CTIF: variants seen among roughly 807,000 people sequenced by gnomAD.
CTIF encodes the protein CBP80/20-dependent translation initiation factor.
CTIF carries 21 observed loss-of-function variants against 66.0 expected under a neutral mutation model. The ratio of observed to expected loss-of-function variants is 0.32; its 90% CI spans 0.23 to 0.46. The LOEUF is 0.46. Among genes scored for constraint, CTIF ranks in the 20% least tolerant of loss-of-function variants. CTIF has a pLI of 1.00. For synonymous variants in CTIF, 345 were observed against 326.4 expected, an observed-to-expected ratio of 1.06 and a Z score of -0.62; for missense variants, 739 against 812.7, an observed-to-expected ratio of 0.91 and a Z score of 1.10.
chr18:48,766,737 A>G (rs1909583355), intron 9 of CTIF, among the ~76,000 whole-genome samples: 1 of 152,190 alleles, frequency 6.6e-6, no homozygotes. Context: ...CCATGGGGGA[A>G]AACTCCGAGT....
chr18:48,726,922 A>G (rs1160856818), intron 7 of CTIF, among the ~76,000 whole-genome samples: 1 of 152,160 alleles, frequency 6.6e-6, no homozygotes, highest in African/African-American at 2.4e-5. Flanking sequence ...TCATTTGATT[A>G]TAGCATCAGC....
At chr18:48,790,470 C>T (rs2067767809) in intron 9 of CTIF, among the ~76,000 whole-genome samples, 1 of 152,236 alleles carries the variant, frequency 6.6e-6, no homozygotes, top group Non-Finnish European at 1.5e-5. Context: ...GGCAGGCTGC[C>T]AAATCCAACA....
At chr18:48,744,873 AGTGCAGT>A (rs2092583507) in intron 7 of CTIF, among the ~76,000 whole-genome samples, 1 of 147,350 alleles carries the variant, frequency 6.8e-6, no homozygotes, top group Admixed American at 6.8e-5. Context: ...CCCAGGCTGG[AGTGCAGT>A]GGCGCAATCT....
At chr18:48,797,006 T>C (rs935411777) in intron 9 of CTIF, among the ~76,000 whole-genome samples, 1 of 152,176 alleles carries the variant, frequency 6.6e-6, no homozygotes, top group African/African-American at 2.4e-5. Context: ...TCTGCAGCAC[T>C]GGCCTCCCTC....
At chr18:48,824,646 A>AT (rs1272091139) in intron 10 of CTIF, among the ~76,000 whole-genome samples, 4 of 135,248 alleles carry the variant, frequency 3.0e-5, no homozygotes, top group Non-Finnish European at 4.8e-5. Flanking sequence ...TTGTTTTTTG[A>AT]TTTTTTCTGA....
At chr18:48,697,955 A>G (rs761903792) in intron 6 of CTIF, among the ~76,000 whole-genome samples, 1 of 151,658 alleles carries the variant, frequency 6.6e-6, no homozygotes, top group Non-Finnish European at 1.5e-5. Flanking sequence ...CCTGAAGCAC[A>G]GGATCTGATC....
At chr18:48,664,905 C>CTTTT (rs1321412907) in intron 5 of CTIF, among the ~76,000 whole-genome samples, 2 of 62,688 alleles carry the variant, frequency 3.2e-5, no homozygotes, top group South Asian at 1.1e-3. Context: ...CTGTGTGTTT[C>CTTTT]TTTCTTTTTT....
At chr18:48,766,423 A>T (rs922910376) in intron 9 of CTIF, among the ~76,000 whole-genome samples, 1 of 152,154 alleles carries the variant, frequency 6.6e-6, no homozygotes, top group African/African-American at 2.4e-5. Context: ...GTCAGAGTGG[A>T]GGTCTGGCCT....
In CTIF at chr18:48,639,853, G is replaced by T. The variant is rs374721075; in HGVS notation, c.252+3168G>T. Among the ~76,000 whole-genome samples, 7 of 152,118 alleles carry T rather than the reference G, an allele frequency of 4.6e-5. No individual in the cohort carries two copies. In the East Asian group the frequency reaches 1.2e-3, roughly 25 times the overall value. On this transcript the variant is annotated intron_variant, in intron 3 of 11. Transcript: ENST00000256413. ...CATACCCACGTCCATGCATCTGCCC[G>T]TGGGGACACCCACCTGGGTTTCCTT...
At chr18:48,669,785 C>A (rs1297918553) in intron 5 of CTIF, among the ~76,000 whole-genome samples, 5 of 52,082 alleles carry the variant, frequency 9.6e-5, no homozygotes, top group African/African-American at 1.7e-4. Flanking sequence ...AACAAACAAG[C>A]TAAACATTTA....
intron 1 of CTIF, among the ~76,000 whole-genome samples, chr18:48,597,670 A>T (rs1019220070): frequency 1.9e-4 from 29 of 151,890 alleles, no homozygotes; most frequent in African/African-American, 5.8e-4. Context: ...AGCCAAGTAG[A>T]TGCTGGTGCA....
In CTIF at chr18:48,658,315, CTGTA is replaced by C. The variant is rs1440930617; in HGVS notation, c.253-5433_253-5430del. On this transcript the variant is annotated intron_variant, in intron 3 of 11. Transcript: ENST00000256413. ...CATGCATGTTGTGTGTGGCATGTGC[CTGTA>C]TGTGTGGTGTATATAATATGCATGT... Among the ~76,000 whole-genome samples the C allele has an allele frequency of 2.6e-5, 4 of 151,570 alleles. No individual in the cohort carries two copies. In the South Asian group the frequency reaches 6.3e-4, roughly 24 times the overall value.
At chr18:48,829,577 C>T (rs1050902843) in intron 10 of CTIF, among the ~76,000 whole-genome samples, 23 of 152,358 alleles carry the variant, frequency 1.5e-4, no homozygotes, top group African/African-American at 5.5e-4. Flanking sequence ...TGGGCCCCCG[C>T]CTTGCCCAGC....
chr18:48,626,246 C>T (rs1331721702), intron 2 of CTIF, among the ~76,000 whole-genome samples: 2 of 152,160 alleles, frequency 1.3e-5, no homozygotes, highest in Non-Finnish European at 2.9e-5. Context: ...GGTGATCCAC[C>T]TGCCTCGGGC....
intron 7 of CTIF, among the ~76,000 whole-genome samples, chr18:48,754,089 C>T (rs1360084816): frequency 6.6e-6 from 1 of 152,228 alleles, no homozygotes; most frequent in Non-Finnish European, 1.5e-5. Context: ...AAGTCTGTTC[C>T]AGTGCCCTTA....
At chr18:48,797,683 A>G (rs1233399732) in intron 9 of CTIF, among the ~76,000 whole-genome samples, 1 of 152,108 alleles carries the variant, frequency 6.6e-6, no homozygotes, top group Non-Finnish European at 1.5e-5. Flanking sequence ...TGAGGCAGAA[A>G]GTGCCCTTCC....
intron 10 of CTIF, among the ~76,000 whole-genome samples, chr18:48,839,728 GGCCAGGATCTGT>G (rs2068894872): frequency 6.6e-6 from 1 of 152,154 alleles, no homozygotes; most frequent in Admixed American, 6.5e-5. Context: ...AAATCTATAA[GGCCAGGATCTGT>G]GCCTCCTTGT....
intron 10 of CTIF, among the ~76,000 whole-genome samples, chr18:48,856,849 G>A (rs959329121): frequency 2.6e-5 from 4 of 152,210 alleles, no homozygotes; most frequent in African/African-American, 9.7e-5. Context: ...GCACAATTCT[G>A]GGGATATCCT....
chr18:48,761,609 G>A lies in CTIF; in HGVS notation c.1291G>A (p.Ala431Thr), dbSNP rs1401421812. 5.6e-6 allele frequency: 9 copies of A among 1,614,060 alleles called. No individual in the cohort carries two copies. The highest frequency in any genetic ancestry group is 7.6e-6 in the Non-Finnish European group (9 of 1,180,040). Residue 431 changes from alanine (A) to threonine (T), a missense_variant, in exon 9 of 12, where the codon GCT becomes ACT. Physicochemically the swap from Ala to Thr is moderately conservative, Grantham distance 58. This residue lies in a region of CTIF where 210 missense variants were observed against 292.3 expected (regional missense o/e 0.72). Transcript: ENST00000256413. This position sits in a 1 kb window ranked among gnomAD's most constrained non-coding sequence, Gnocchi z 4.2. ...AVSDRSFAFT[A>T]AKLCDKMALF... is the part of the protein sequence containing the mutation. The stretch of plus-strand genomic sequence containing the variant: ...GTCCGACCGCAGCTTCGCCTTCACC[G>A]CTGCCAAGCTCTGCGACAAGATGGC...
Sources: allele counts gnomAD v4.1 joint callset (sites outside exome capture counted in the v4.1 genomes callset), GRCh38; gene constraint gnomAD v4.1.1; regional missense constraint gnomAD v4.1.1; non-coding constraint Gnocchi (gnomAD v3.1); transcripts MANE v1.5; gene names NCBI Gene and HGNC (gene_info 2026-07-23, HGNC 2026-07-21).